Variants in CEP57L1 observed in about 807,000 individuals in gnomAD.
CEP57L1 encodes the protein centrosomal protein 57 like 1.
A neutral mutation model predicts 61.0 loss-of-function variants in CEP57L1; 37 were observed. The observed-to-expected ratio is 0.61, with a 90% CI of 0.47 to 0.80. The LOEUF (loss-of-function observed/expected upper bound fraction) is 0.80. Ranked by LOEUF, CEP57L1 falls within the 30% of genes least tolerant of loss-of-function variation. CEP57L1 has a pLI of 0.00. For synonymous variants in CEP57L1, 137 were observed against 162.3 expected (o/e 0.84, Z 1.19); for missense variants, 422 against 524.7 (o/e 0.80, Z 1.91).
chr6:109,110,393 A>T (rs1439752754), intron 1 of CEP57L1, among the ~76,000 whole-genome samples: 1 of 151,774 alleles, frequency 6.6e-6, no homozygotes, highest in Admixed American at 6.6e-5. Context: ...TGGTTGTTTG[A>T]TTTTTTCTTG....
intron 1 of CEP57L1, among the ~76,000 whole-genome samples, chr6:109,127,405 A>G (rs1773681278): frequency 6.6e-6 from 1 of 152,158 alleles, no homozygotes; most frequent in Non-Finnish European, 1.5e-5. Flanking sequence ...TCAGTCAGAT[A>G]GCAGAAGCCA....
rs1371464872 is a variant in CEP57L1 at position 109,171,270 on chromosome 6, C to T, written c.*8300C>T. Among the ~76,000 whole-genome samples the T allele has an allele frequency of 1.3e-5, 2 of 148,208 alleles. No individual in the cohort carries two copies. Among genetic ancestry groups the T allele is most frequent in the African/African-American group, 5.0e-5 (2 of 39,646 alleles). On this transcript the variant is annotated 3_prime_UTR_variant, in exon 11 of 11. Coordinates refer to ENST00000517392, the MANE Select transcript of CEP57L1 (RefSeq NM_001271852.3). Reference sequence around the variant, plus strand: ...TTTTTTTTTTTGAGACGGAGTTTCGCTCTTGTTGCCCAAGCTGGAGTGCAA... The same window carrying T: ...TTTTTTTTTTTGAGACGGAGTTTCGTTCTTGTTGCCCAAGCTGGAGTGCAA...
At chr6:109,150,335 A>G in intron 4 of CEP57L1, 96 bp downstream of exon 4, 2 of 1,444,626 alleles carry the variant, frequency 1.4e-6, no homozygotes, top group Non-Finnish European at 1.9e-6. Context: ...AAGGTGGCAT[A>G]ATGTTAGAAT....
chr6:109,138,110 G>A (rs748398137), intron 1 of CEP57L1, among the ~76,000 whole-genome samples: 6 of 152,210 alleles, frequency 3.9e-5, no homozygotes, highest in Non-Finnish European at 7.3e-5. Flanking sequence ...AAGGGAGACT[G>A]AAGGAGAGTC....
intron 1 of CEP57L1, among the ~76,000 whole-genome samples, chr6:109,134,776 A>G (rs1216531590): frequency 6.6e-6 from 1 of 151,954 alleles, no homozygotes; most frequent in Non-Finnish European, 1.5e-5. Context: ...ATAACAGACA[A>G]ACAGAGAGCC....
chr6:109,111,025 A>G (rs1310432480), intron 1 of CEP57L1, among the ~76,000 whole-genome samples: 1 of 152,102 alleles, frequency 6.6e-6, no homozygotes, highest in East Asian at 1.9e-4. Flanking sequence ...TTTTGGTTCC[A>G]TTTGAAATTT....
At position 109,133,436 on chromosome 6, in the gene CEP57L1, G is replaced by C. The variant is rs76576951; in HGVS notation, c.-3-11783G>C. Among the ~76,000 whole-genome samples, 1,255 of 152,252 alleles carry C rather than the reference G, an allele frequency of 8.2e-3. 22 individuals are homozygous for C. Among genetic ancestry groups the C allele is most frequent in the African/African-American group, 0.029 (1,204 of 41,532 alleles). On this transcript the variant is annotated intron_variant, in intron 1 of 10. Coordinates refer to ENST00000517392, the MANE Select transcript of CEP57L1 (RefSeq NM_001271852.3). ...CGGAGCTCAGGAGGTAATGCTCGCT[G>C]ACCTTCACTTACCTCCTGCTGGGCA...
chr6:109,130,885 T>C (rs1774113152), intron 1 of CEP57L1: 1 of 152,134 alleles, frequency 6.6e-6, no homozygotes, highest in African/African-American at 2.4e-5. Flanking sequence ...GTCTTTCTAC[T>C]ATAAAGTTAC....
chr6:109,097,938 A>T (rs1353939043), intron 1 of CEP57L1, among the ~76,000 whole-genome samples: 5 of 152,226 alleles, frequency 3.3e-5, no homozygotes, highest in African/African-American at 7.2e-5. Context: ...AAATAGCAAG[A>T]AGGCTAGTGT....
intron 1 of CEP57L1, chr6:109,129,361 G>A: frequency 8.1e-7 from 1 of 1,232,904 alleles, no homozygotes; most frequent in Non-Finnish European, 1.1e-6. Context: ...GACATTCTGG[G>A]AACTGATCAG....
At position 109,168,495 on chromosome 6, in the gene CEP57L1, C is replaced by T. The variant is rs1346038641; in HGVS notation, c.*5525C>T. Among the ~76,000 whole-genome samples, 1 of 152,070 alleles carries T rather than the reference C, an allele frequency of 6.6e-6. No individual in the cohort carries two copies. Among genetic ancestry groups the T allele is most frequent in the Non-Finnish European group, 1.5e-5 (1 of 68,014 alleles). On this transcript the variant is annotated 3_prime_UTR_variant, in exon 11 of 11. Coordinates refer to ENST00000517392, the MANE Select transcript of CEP57L1 (RefSeq NM_001271852.3). ...TAAGCCACTCAATTTCTGCATACTT[C>T]AGCCTCCTCATTGGTTGGATCCAGT...
intron 1 of CEP57L1, among the ~76,000 whole-genome samples, chr6:109,100,503 C>T (rs1005779837): frequency 9.2e-5 from 14 of 151,488 alleles, no homozygotes; most frequent in African/African-American, 2.4e-4. Flanking sequence ...GGTGAAACCC[C>T]GTCTCTACTG....
In CEP57L1 at chr6:109,150,009, G is replaced by T. The variant is rs1036066814; in HGVS notation, c.341-109G>T. The T allele has an allele frequency of 9.3e-6, 5 of 537,836 alleles. No individual in the cohort carries two copies. In the African/African-American group the frequency reaches 9.8e-5, roughly 11 times the overall value. The allele number at this position is 537,836 out of a possible 1,614,324, so 33.3% of individuals were successfully genotyped here. On this transcript the variant is annotated intron_variant, in intron 3 of 10. Transcript: ENST00000517392. ...TGCTGAAGTTGCTTATCAGCTTAAG[G>T]AGATTTTGGGCTGAGACAATGGGGT...
At chr6:109,136,700 T>TTTTATTTTA (rs1224278799) in intron 1 of CEP57L1, among the ~76,000 whole-genome samples, 12 of 115,802 alleles carry the variant, frequency 1.0e-4, no homozygotes, top group African/African-American at 4.3e-4. Flanking sequence ...GAAACTTGTA[T>TTTTATTTTA]TTTTATTTTA....
intron 10 of CEP57L1, 147 bp downstream of exon 10, chr6:109,160,863 A>T (rs1010709926): frequency 1.5e-6 from 1 of 662,032 alleles, no homozygotes; most frequent in African/African-American, 1.9e-5. Flanking sequence ...ATGACAGAAT[A>T]GAGCCATCTG....
In CEP57L1 at chr6:109,162,802, T is replaced by A. The variant is rs1408952026; in HGVS notation, c.1215T>A (p.Gly405=). The A allele has an allele frequency of 6.2e-7, 1 of 1,613,380 alleles. No homozygotes were observed. The highest frequency in any genetic ancestry group is 8.5e-7 in the Non-Finnish European group (1 of 1,179,568). The change falls in exon 11 of 11, where the codon GGT becomes GGA. Residue 405 remains glycine (G), a synonymous_variant. Coordinates refer to ENST00000517392, the MANE Select transcript of CEP57L1 (RefSeq NM_001271852.3). The part of the protein sequence containing the change: ...VQNSKMSEAS[G]IQQEDSYPKG... ...ACTCAAAGATGAGTGAAGCTTCAGG[T>A]ATTCAGCAAGAAGACAGCTACCCTA...
chr6:109,141,434 C>T (rs564548624), intron 1 of CEP57L1, among the ~76,000 whole-genome samples: 2 of 151,990 alleles, frequency 1.3e-5, no homozygotes, highest in East Asian at 3.9e-4. Flanking sequence ...AGGTTGGTCT[C>T]GAACTCCTGA....
In CEP57L1 at chr6:109,143,445, A is replaced by G. The variant is rs113559115; in HGVS notation, c.-3-1774A>G. Among the ~76,000 whole-genome samples, 728 of 152,280 alleles carry G rather than the reference A, an allele frequency of 4.8e-3. 2 individuals carry two copies. Among genetic ancestry groups the G allele is most frequent in the African/African-American group, 0.015 (604 of 41,566 alleles). The stretch of plus-strand genomic sequence containing the variant: ...AAGGTTAAGCTGAGATCCCATTACA[A>G]TGAGAATCTCTGAGCTCTGTGTCAC... On this transcript the variant is annotated intron_variant, in intron 1 of 10. Transcript: ENST00000517392.
intron 6 of CEP57L1, among the ~76,000 whole-genome samples, 157 bp downstream of exon 6, chr6:109,155,464 C>T (rs931166945): frequency 2.0e-5 from 3 of 151,882 alleles, no homozygotes; most frequent in African/African-American, 4.8e-5. Flanking sequence ...CAGTATGATA[C>T]ATGGATGTAT....
Sources: allele counts gnomAD v4.1 joint callset (sites outside exome capture counted in the v4.1 genomes callset), GRCh38; gene constraint gnomAD v4.1.1; transcripts MANE v1.5; gene names NCBI Gene and HGNC (gene_info 2026-07-23, HGNC 2026-07-21).